The following TASP1 variants were observed in gnomAD, a reference collection of about 807,000 sequenced individuals.
TASP1 encodes threonine aspartase 1.
A neutral mutation model predicts 56.6 loss-of-function variants in TASP1; 16 were observed. The observed-to-expected ratio is 0.28, with a 90% CI of 0.19 to 0.43. The LOEUF (loss-of-function observed/expected upper bound fraction) is 0.43, where lower values mean the gene tolerates loss of function less well. TASP1 is among the 20% of genes least tolerant of loss of function. The pLI, the probability that TASP1 is intolerant of heterozygous loss-of-function variation, is 1.00. For synonymous variants in TASP1, 179 were observed against 184.2 expected, an observed-to-expected ratio of 0.97 and a Z score of 0.23; for missense variants, 393 against 511.6, an observed-to-expected ratio of 0.77 and a Z score of 2.24.
the TASP1 span, among the ~76,000 whole-genome samples, chr20:13,133,399 C>G: frequency 2.0e-5 from 3 of 152,210 alleles, no homozygotes; most frequent in East Asian, 5.8e-4. Flanking sequence ...TCCCATCAGA[C>G]ATTAATGGCT....
intron 13 of TASP1, among the ~76,000 whole-genome samples, chr20:13,400,738 G>A (rs906859277): frequency 6.6e-6 from 1 of 152,162 alleles, no homozygotes; most frequent in African/African-American, 2.4e-5. Context: ...AGAGAGAACA[G>A]CGCAACCATA....
At chr20:13,362,808 AAT>A in the TASP1 span, among the ~76,000 whole-genome samples, 3,235 of 114,746 alleles carry the variant, frequency 0.028, 128 homozygotes, top group East Asian at 0.085. Context: ...AATAGCAAGA[AAT>A]ATATATATAT....
chr20:13,391,794 T>C (rs143408667), intron 13 of TASP1, among the ~76,000 whole-genome samples: 103,091 of 150,276 alleles, frequency 0.69, 35,687 homozygotes, highest in African/African-American at 0.76. Context: ...GGTGAAACCC[T>C]GTCTCTACTA....
At chr20:13,480,143 T>G (rs1414869846) in intron 11 of TASP1, among the ~76,000 whole-genome samples, 2 of 152,190 alleles carry the variant, frequency 1.3e-5, no homozygotes, top group African/African-American at 2.4e-5. Flanking sequence ...AATTTCACAT[T>G]TATGTGCTGA....
At chr20:13,212,237 C>T in the TASP1 span, among the ~76,000 whole-genome samples, 1 of 152,172 alleles carries the variant, frequency 6.6e-6, no homozygotes, top group Non-Finnish European at 1.5e-5. Context: ...TCTCTCTTCA[C>T]TTGTGTGCTA....
chr20:13,486,731 G>A (rs1361787109), intron 10 of TASP1, among the ~76,000 whole-genome samples: 1 of 152,152 alleles, frequency 6.6e-6, no homozygotes, highest in Non-Finnish European at 1.5e-5. Context: ...AAAGATACCA[G>A]ACACTATGTA....
chr20:13,312,836 G>A, the TASP1 span, among the ~76,000 whole-genome samples: 1 of 152,138 alleles, frequency 6.6e-6, no homozygotes, highest in Non-Finnish European at 1.5e-5. Context: ...GAGTAGATCC[G>A]TATTTAAACC....
At chr20:13,531,014 T>C (rs1430677590) in intron 9 of TASP1, among the ~76,000 whole-genome samples, 1 of 152,202 alleles carries the variant, frequency 6.6e-6, no homozygotes, top group Non-Finnish European at 1.5e-5. Flanking sequence ...TCCTCTTCTA[T>C]ACAATAAAGA....
At chr20:13,349,812 G>A in the TASP1 span, among the ~76,000 whole-genome samples, 5 of 152,250 alleles carry the variant, frequency 3.3e-5, no homozygotes, top group East Asian at 9.6e-4. Context: ...CTATACATTA[G>A]CAATCAACTA....
chr20:13,535,191 A>G (rs140783851), intron 8 of TASP1, among the ~76,000 whole-genome samples: 7 of 152,280 alleles, frequency 4.6e-5, no homozygotes, highest in African/African-American at 9.6e-5. Context: ...GATCCCTAAG[A>G]AGCAAAATGA....
At chr20:13,405,343 A>G (rs935260159) in intron 13 of TASP1, among the ~76,000 whole-genome samples, 1 of 152,238 alleles carries the variant, frequency 6.6e-6, no homozygotes, top group African/African-American at 2.4e-5. Context: ...CAAAATACAT[A>G]CATCAGGAGA....
the TASP1 span, among the ~76,000 whole-genome samples, chr20:13,213,459 T>A: frequency 1.3e-5 from 2 of 152,158 alleles, no homozygotes; most frequent in Non-Finnish European, 1.5e-5. Context: ...GGATTGATAA[T>A]GACTTTTGAT....
the TASP1 span, among the ~76,000 whole-genome samples, chr20:13,291,583 G>A: frequency 2.0e-5 from 3 of 152,186 alleles, no homozygotes; most frequent in Admixed American, 2.0e-4. Context: ...GCTTGCACCG[G>A]ATTCCTGATT....
At chr20:13,302,297 T>C in the TASP1 span, among the ~76,000 whole-genome samples, 1 of 152,204 alleles carries the variant, frequency 6.6e-6, no homozygotes, top group African/African-American at 2.4e-5. Flanking sequence ...TCCAGGACTC[T>C]GCCTACTGAG....
chr20:13,167,112 G>A, the TASP1 span: 3 of 152,152 alleles, frequency 2.0e-5, no homozygotes, highest in African/African-American at 7.2e-5. Context: ...ATTAGAAGGT[G>A]CCCAAGCTCC....
intron 13 of TASP1, among the ~76,000 whole-genome samples, chr20:13,398,775 A>T (rs2041635524): frequency 6.6e-6 from 1 of 152,220 alleles, no homozygotes; most frequent in Admixed American, 6.5e-5. Flanking sequence ...TATAAAGTGA[A>T]GCAGCTGGTT....
the TASP1 span, among the ~76,000 whole-genome samples, chr20:13,321,253 T>TAAAAAAAAAAAAAAA: frequency 1.7e-3 from 100 of 57,514 alleles, 7 homozygotes; most frequent in Non-Finnish European, 2.4e-3. Flanking sequence ...GTGCCCCACA[T>TAAAAAAAAAAAAAAA]AAAAAAAAAA....
At chr20:13,237,337 C>A in the TASP1 span, among the ~76,000 whole-genome samples, 1 of 152,188 alleles carries the variant, frequency 6.6e-6, no homozygotes, top group African/African-American at 2.4e-5. Context: ...CTTGAAACAA[C>A]CCCAATGCCA....
At chr20:13,116,536 T>C in the TASP1 span, among the ~76,000 whole-genome samples, 3 of 152,318 alleles carry the variant, frequency 2.0e-5, no homozygotes, top group East Asian at 5.8e-4. Flanking sequence ...ACTACATTTT[T>C]TTCCCTTTGT....
Sources: allele counts gnomAD v4.1 joint callset (sites outside exome capture counted in the v4.1 genomes callset), GRCh38; gene constraint gnomAD v4.1.1; transcripts MANE v1.5; gene names NCBI Gene and HGNC (gene_info 2026-07-23, HGNC 2026-07-21).